PTCHD1: variants seen among roughly 807,000 people sequenced by gnomAD.
PTCHD1 encodes the protein patched domain-containing protein 1.
In PTCHD1, 3 loss-of-function variants were observed where a neutral mutation model predicts 34.6. That is an observed-to-expected ratio of 0.09 (90% CI 0.04 to 0.22). The LOEUF is 0.22. Ranked by LOEUF, PTCHD1 falls within the 10% of genes least tolerant of loss-of-function variation. The pLI, the probability that PTCHD1 is intolerant of heterozygous loss-of-function variation, is 1.00. For synonymous variants in PTCHD1, 305 were observed against 283.1 expected (o/e 1.08, Z -0.77); for missense variants, 504 against 685.5 (o/e 0.74, Z 2.96).
intron 1 of PTCHD1, among the ~76,000 whole-genome samples, chrX:23,338,052 A>C (rs1428739069): frequency 9.0e-6 from 1 of 111,620 alleles, no homozygotes; most frequent in African/African-American, 3.3e-5. Context: ...GGTTTGGAGG[A>C]GCTTTCTCGA....
At chrX:23,359,873 T>C (rs1921920734) in intron 1 of PTCHD1, among the ~76,000 whole-genome samples, 1 of 112,188 alleles carries the variant, frequency 8.9e-6, no homozygotes, top group African/African-American at 3.2e-5. Flanking sequence ...TGTTGACTTT[T>C]GTTGAAGGCC....
rs1923037460 is a variant in PTCHD1 at position 23,398,185 on chromosome X, C to T, written c.*4000C>T. 1 of 111,083 alleles carries T rather than the reference C, an allele frequency of 9.0e-6. No homozygotes were observed. Among genetic ancestry groups the T allele is most frequent in the Admixed American group, 9.6e-5 (1 of 10,452 alleles). The allele number at this position is 111,083 out of a possible 1,213,427, so 9.2% of individuals were successfully genotyped here. On this transcript the variant is annotated 3_prime_UTR_variant, in exon 3 of 3. Coordinates refer to ENST00000379361, the MANE Select transcript of PTCHD1 (RefSeq NM_173495.3). ...CATTTGGAAAGCACTCTTGGAAAGG[C>T]CTGGCAAAGAAAAGAGACTCAAGAC...
chrX:23,394,286 A>T lies in PTCHD1; in HGVS notation c.*101A>T. The T allele has an allele frequency of 2.6e-6, 1 of 378,478 alleles. No homozygotes were observed. Among genetic ancestry groups the T allele is most frequent in the Non-Finnish European group, 4.4e-6 (1 of 227,280 alleles). 31.2% of individuals were successfully genotyped at this position (378,478 alleles called of 1,213,427 possible). A position where few individuals can be genotyped will look rare whatever the true frequency, so the allele number is the denominator to read the frequency against. ...CAAAGTTCTTCCCTTTTTTAAAGATAGGAAACAGGCATTGCCAAAAAAAAA... is the reference window on the plus strand; with the variant it reads ...CAAAGTTCTTCCCTTTTTTAAAGATTGGAAACAGGCATTGCCAAAAAAAAA... On this transcript the variant is annotated 3_prime_UTR_variant, in exon 3 of 3. Coordinates refer to ENST00000379361, the MANE Select transcript of PTCHD1 (RefSeq NM_173495.3).
chrX:23,360,078 G>A (rs1001639331), intron 1 of PTCHD1, among the ~76,000 whole-genome samples: 5 of 111,881 alleles, frequency 4.5e-5, no homozygotes, highest in South Asian at 7.5e-4. Flanking sequence ...TTTTTGCATC[G>A]ATGTTCATCA....
intron 2 of PTCHD1, among the ~76,000 whole-genome samples, chrX:23,392,303 T>C (rs1922858742): frequency 9.1e-6 from 1 of 110,199 alleles, no homozygotes; most frequent in African/African-American, 3.3e-5. Context: ...AGAGGGAATA[T>C]GAAGATCTTT....
chrX:23,357,377 C>A (rs1007838617), intron 1 of PTCHD1, among the ~76,000 whole-genome samples: 4 of 111,621 alleles, frequency 3.6e-5, no homozygotes, highest in African/African-American at 1.3e-4. Flanking sequence ...ATTAAAAAGA[C>A]CGGCAGTACT....
At chrX:23,338,430 C>T (rs1921226579) in intron 1 of PTCHD1, among the ~76,000 whole-genome samples, 1 of 112,079 alleles carries the variant, frequency 8.9e-6, no homozygotes, top group Non-Finnish European at 1.9e-5. Flanking sequence ...AAGTAGGTCC[C>T]TTTGATAATT....
rs1380166401 is a variant in PTCHD1 at position 23,397,613 on chromosome X, G to A, written c.*3428G>A. 8.9e-6 allele frequency: 1 copy of A among 111,887 alleles called. No individual in the cohort carries two copies. Among genetic ancestry groups the A allele is most frequent in the Non-Finnish European group, 1.9e-5 (1 of 53,218 alleles). The allele number at this position is 111,887 out of a possible 1,213,427, so 9.2% of individuals were successfully genotyped here. ...TTACTCCCTCAGTTTTCAGTCAGAA[G>A]TGTGATAATCAGATGCCATCCTCCA... On this transcript the variant is annotated 3_prime_UTR_variant, in exon 3 of 3. Transcript: ENST00000379361.
intron 1 of PTCHD1, among the ~76,000 whole-genome samples, chrX:23,341,306 C>T (rs1225041852): frequency 8.9e-6 from 1 of 112,088 alleles, no homozygotes; most frequent in Non-Finnish European, 1.9e-5. Context: ...ATAAAGCTCA[C>T]AGGACAGTCA....
chrX:23,350,957 C>T (rs1327647486), intron 1 of PTCHD1: 2 of 208,660 alleles, frequency 9.6e-6, no homozygotes, highest in Non-Finnish European at 1.7e-5. Flanking sequence ...CAGGCCTTAC[C>T]AGAGCCTACT....
intron 1 of PTCHD1, among the ~76,000 whole-genome samples, chrX:23,356,349 C>A (rs775407659): frequency 2.7e-5 from 3 of 111,944 alleles, no homozygotes; most frequent in Admixed American, 9.5e-5. Context: ...GTGTAAACAC[C>A]CTGGGGACCA....
intron 1 of PTCHD1, chrX:23,351,271 T>G (rs1921626215): frequency 3.7e-6 from 3 of 800,223 alleles, no homozygotes; most frequent in Non-Finnish European, 5.7e-6. Context: ...AGTTGACTCA[T>G]TCACTCTGTT....
At position 23,392,829 on chromosome X, in the gene PTCHD1, T is replaced by C. The variant is rs150186077; in HGVS notation, c.1311T>C (p.His437=). The stretch of plus-strand genomic sequence containing the variant: ...GCTACATAGAAAACAATTACCAGCA[T>C]AGTATCTTCTGTAGAAAAGTCCCAA... ...FTGYIENNYQ[H]SIFCRKVPKP... Residue 437 remains histidine (H), a synonymous_variant, in exon 3 of 3, where the codon CAT becomes CAC. Transcript: ENST00000379361. 7.0e-4 allele frequency: 853 copies of C among 1,210,634 alleles called. 1 individual carries two copies. Among genetic ancestry groups the C allele is most frequent in the Admixed American group, 2.5e-3 (115 of 45,867 alleles).
chrX:23,353,171 A>G (rs1601905225), intron 1 of PTCHD1, among the ~76,000 whole-genome samples: 1 of 112,908 alleles, frequency 8.9e-6, no homozygotes, highest in African/African-American at 3.2e-5. Flanking sequence ...GACCAAAGTC[A>G]GTTTTGTGGT....
chrX:23,375,998 T>G (rs112129456), intron 1 of PTCHD1, among the ~76,000 whole-genome samples: 5,734 of 111,834 alleles, frequency 0.051, 231 homozygotes, highest in East Asian at 0.14. Flanking sequence ...ATATTGTTAT[T>G]GAAATTGACA....
At chrX:23,338,992 T>A (rs1292830979) in intron 1 of PTCHD1, among the ~76,000 whole-genome samples, 1 of 111,438 alleles carries the variant, frequency 9.0e-6, no homozygotes, top group Non-Finnish European at 1.9e-5. Context: ...AGAAAGAAGA[T>A]TTTTTTGGAA....
chrX:23,366,020 T>C (rs1047972656), intron 1 of PTCHD1, among the ~76,000 whole-genome samples: 7 of 112,328 alleles, frequency 6.2e-5, no homozygotes, highest in African/African-American at 1.6e-4. Flanking sequence ...ACCTGGGAAA[T>C]GCAGCCCAAA....
At chrX:23,344,019 G>A (rs749000849) in intron 1 of PTCHD1, among the ~76,000 whole-genome samples, 18 of 112,279 alleles carry the variant, frequency 1.6e-4, no homozygotes, top group African/African-American at 5.5e-4. Context: ...ATGCACACAC[G>A]TCACCTAGGC....
intron 1 of PTCHD1, among the ~76,000 whole-genome samples, chrX:23,350,633 T>A (rs902632358): frequency 1.8e-5 from 2 of 111,548 alleles, no homozygotes; most frequent in African/African-American, 3.3e-5. Context: ...GAACTGGAGA[T>A]TGGTCAGTGT....
Sources: allele counts gnomAD v4.1 joint callset (sites outside exome capture counted in the v4.1 genomes callset), GRCh38; gene constraint gnomAD v4.1.1; transcripts MANE v1.5; gene names NCBI Gene and HGNC (gene_info 2026-07-23, HGNC 2026-07-21).